ICE1: variants seen among roughly 807,000 people sequenced by gnomAD.
The protein encoded by ICE1 is interactor of little elongation complex ELL subunit 1, also known as little elongation complex subunit 1.
A neutral mutation model predicts 192.7 loss-of-function variants in ICE1; 64 were observed. That is an observed-to-expected ratio of 0.33 (90% confidence interval 0.27 to 0.41). The LOEUF (loss-of-function observed/expected upper bound fraction) is 0.41, where lower values mean the gene tolerates loss of function less well. Among genes scored for constraint, ICE1 ranks in the 10% least tolerant of loss-of-function variants. The pLI is 1.00. For synonymous variants in ICE1, 1,010 were observed against 984.5 expected (o/e 1.03, Z -0.49); for missense variants, 2,708 against 2,696.0 (o/e 1.00, Z -0.10).
At chr5:5,488,839 T>C (rs2111410902) in intron 18 of ICE1, among the ~76,000 whole-genome samples, 1 of 152,252 alleles carries the variant, frequency 6.6e-6, no homozygotes, top group Non-Finnish European at 1.5e-5. Context: ...CCAGAACTGT[T>C]TTGGGAAGCT....
At chr5:5,479,169 G>A (rs1235620680) in intron 17 of ICE1, among the ~76,000 whole-genome samples, 2 of 152,248 alleles carry the variant, frequency 1.3e-5, no homozygotes, top group South Asian at 4.1e-4. Flanking sequence ...GCATCCTACA[G>A]AATGGGAGAA....
At chr5:5,440,907 A>G (rs1385434544) in intron 4 of ICE1, among the ~76,000 whole-genome samples, 1 of 151,826 alleles carries the variant, frequency 6.6e-6, no homozygotes, top group Non-Finnish European at 1.5e-5. Context: ...ACTAACAAAA[A>G]GAAAGAAAAG....
chr5:5,462,127 T>C lies in ICE1; in HGVS notation c.2793T>C (p.Ser931=). The C allele has an allele frequency of 1.2e-6, 2 of 1,613,946 alleles. No homozygotes were observed. Among genetic ancestry groups the C allele is most frequent in the Non-Finnish European group, 8.5e-7 (1 of 1,179,826 alleles). Reference sequence around the variant, plus strand: ...GCATTTCACCAGAAGTTTCTGCCTCTAGGAGAAAATTAGATTTTAATTCTC... The same window carrying C: ...GCATTTCACCAGAAGTTTCTGCCTCCAGGAGAAAATTAGATTTTAATTCTC... The part of the protein sequence containing the change: ...VKSISPEVSA[S]RRKLDFNSPG... Residue 931 remains serine (S), a synonymous_variant, in exon 13 of 19, where the codon TCT becomes TCC. Transcript: ENST00000296564.
At chr5:5,452,163 A>ATTTTTTTT (rs952502832) in intron 10 of ICE1, among the ~76,000 whole-genome samples, 1 of 133,124 alleles carries the variant, frequency 7.5e-6, no homozygotes. Flanking sequence ...TGTTTGTTCC[A>ATTTTTTTT]TTTTTTTTTT....
In ICE1 at chr5:5,464,017, A is replaced by G. The variant is rs766796937; in HGVS notation, c.4683A>G (p.Lys1561=). ...AGAATCGATCAAAGATTTCAAACAA[A>G]GATCAGTCAAACAAACCAGTAAAAA... is the stretch of plus-strand genomic sequence containing the variant. ...KNKNRSKISN[K]DQSNKPVKTS... Residue 1561 remains lysine (K), a synonymous_variant, in exon 13 of 19, where the codon AAA becomes AAG. Transcript: ENST00000296564. The surrounding 1 kb of genome is among the most constrained non-coding windows in gnomAD (Gnocchi z 4.0). 6 of 1,613,744 alleles carry G rather than the reference A, an allele frequency of 3.7e-6. No individual in the cohort carries two copies. The highest frequency in any genetic ancestry group is 5.1e-6 in the Non-Finnish European group (6 of 1,179,846).
At chr5:5,486,908 T>C (rs1739652333) in intron 18 of ICE1, 89 bp downstream of exon 18, 2 of 877,124 alleles carry the variant, frequency 2.3e-6, no homozygotes, top group Non-Finnish European at 1.8e-6. Context: ...TGTGCTGTGC[T>C]CTGTGCTTTG....
intron 5 of ICE1, among the ~76,000 whole-genome samples, chr5:5,441,860 T>C (rs1438838826): frequency 2.6e-5 from 4 of 152,218 alleles, no homozygotes; most frequent in Non-Finnish European, 5.9e-5. Flanking sequence ...GTATAGTCTC[T>C]TGTGGTTTCT....
chr5:5,445,657 G>A (rs908303712), intron 7 of ICE1, among the ~76,000 whole-genome samples: 1 of 151,858 alleles, frequency 6.6e-6, no homozygotes, highest in Non-Finnish European at 1.5e-5. Flanking sequence ...CAAGTGATCT[G>A]CCCGCCTCAG....
At chr5:5,480,960 T>C (rs996286794) in intron 17 of ICE1, among the ~76,000 whole-genome samples, 1 of 152,198 alleles carries the variant, frequency 6.6e-6, no homozygotes, top group Non-Finnish European at 1.5e-5. Flanking sequence ...AAAACTGTTT[T>C]GCTGAATTCC....
intron 1 of ICE1, among the ~76,000 whole-genome samples, chr5:5,424,917 T>C (rs983857321): frequency 6.6e-6 from 1 of 152,180 alleles, no homozygotes; most frequent in Admixed American, 6.5e-5. Context: ...TTGTGTGGGC[T>C]CCTGTAGACC....
At chr5:5,448,906 G>C (rs1234887647) in intron 10 of ICE1, among the ~76,000 whole-genome samples, 1 of 152,186 alleles carries the variant, frequency 6.6e-6, no homozygotes. Flanking sequence ...TTTGTCTCTT[G>C]TGTATGGAAA....
At chr5:5,448,784 A>C (rs894393025) in intron 10 of ICE1, among the ~76,000 whole-genome samples, 1 of 151,938 alleles carries the variant, frequency 6.6e-6, no homozygotes, top group Non-Finnish European at 1.5e-5. Context: ...GTACAAGTTT[A>C]TGTTTTCCTT....
rs1178332002 is a variant in ICE1, at chr5:5,460,603, T to G, written c.1269T>G (p.His423Gln). The G allele has an allele frequency of 3.7e-6, 6 of 1,613,510 alleles. No homozygotes were observed. The highest frequency in any genetic ancestry group is 5.1e-6 in the Non-Finnish European group (6 of 1,179,684). The change falls in exon 13 of 19, where the codon CAT becomes CAG. Residue 423 changes from histidine to glutamine, a missense_variant. Transcript: ENST00000296564. ...CATGGGAGGAAAAGCCCAAATCACATGAAGCTATCCAAGCTCTGAATACAT... is the reference window on the plus strand; with the variant it reads ...CATGGGAGGAAAAGCCCAAATCACAGGAAGCTATCCAAGCTCTGAATACAT... ...SGTWEEKPKSHEAIQALNTWE... is the reference protein window; with the variant it reads ...SGTWEEKPKSQEAIQALNTWE...
chr5:5,435,683 TG>T (rs375401988), intron 1 of ICE1, among the ~76,000 whole-genome samples: 6 of 113,062 alleles, frequency 5.3e-5, no homozygotes, highest in South Asian at 2.9e-4. Context: ...GTTTTGTTTT[TG>T]TTTTTTTTTT....
At position 5,464,262 on chromosome 5, in the gene ICE1, C is replaced by T. The variant is rs375810159; in HGVS notation, c.4928C>T (p.Pro1643Leu). The change falls in exon 13 of 19, where the codon CCT becomes CTT. Residue 1643 changes from proline (P) to leucine (L), a missense_variant. Pro to Leu is a moderately conservative substitution (Grantham distance 98). Transcript: ENST00000296564. This position sits in a 1 kb window ranked among gnomAD's most constrained non-coding sequence, Gnocchi z 4.0. ...PPLLAPLIAT[P>L]PRTSQPLSPL... The stretch of plus-strand genomic sequence containing the variant: ...CTGCTTGCTCCTCTGATAGCTACAC[C>T]TCCAAGGACTTCACAGCCACTGTCT... The T allele has an allele frequency of 1.2e-6, 2 of 1,613,502 alleles. No individual in the cohort carries two copies. The highest frequency in any genetic ancestry group is 1.3e-5 in the African/African-American group (1 of 74,790).
In ICE1 at chr5:5,461,540, C is replaced by T. The variant is rs367883283; in HGVS notation, c.2206C>T (p.His736Tyr). The T allele has an allele frequency of 1.3e-5, 21 of 1,613,254 alleles. No individual in the cohort carries two copies. The African/African-American group carries it at 2.0e-4, about 15-fold the overall frequency. The change falls in exon 13 of 19, where the codon CAT becomes TAT. Residue 736 changes from histidine (H) to tyrosine (Y), a missense_variant. His to Tyr is a moderately conservative substitution (Grantham distance 83). Transcript: ENST00000296564. Reference protein sequence around the residue: ...TKVVKGLTKIHSLPRSVFMKA... With the variant: ...TKVVKGLTKIYSLPRSVFMKA... ...AGTAGTAAAAGGCTTGACCAAAATA[C>T]ATTCACTTCCTCGGTCAGTATTTAT...
chr5:5,445,496 A>G (rs1289609023), intron 7 of ICE1, among the ~76,000 whole-genome samples: 1 of 151,890 alleles, frequency 6.6e-6, no homozygotes, highest in African/African-American at 2.4e-5. Flanking sequence ...AGGTGGTGCG[A>G]TCTCGGCTCA....
intron 12 of ICE1, among the ~76,000 whole-genome samples, chr5:5,458,573 G>A (rs1053783787): frequency 7.2e-5 from 11 of 152,200 alleles, no homozygotes; most frequent in African/African-American, 2.7e-4. Flanking sequence ...GAGTTTTAAG[G>A]TGTGAGTGGG....
At chr5:5,435,660 T>TG (rs1737847413) in intron 1 of ICE1, among the ~76,000 whole-genome samples, 6 of 125,450 alleles carry the variant, frequency 4.8e-5, no homozygotes, top group African/African-American at 1.7e-4. Context: ...AATTTGTGTT[T>TG]TTTTTTTTTT....
Sources: allele counts gnomAD v4.1 joint callset (sites outside exome capture counted in the v4.1 genomes callset), GRCh38; gene constraint gnomAD v4.1.1; non-coding constraint Gnocchi (gnomAD v3.1); transcripts MANE v1.5; gene names NCBI Gene and HGNC (gene_info 2026-07-23, HGNC 2026-07-21).